OPCML: variants seen among roughly 807,000 people sequenced by gnomAD.
The protein encoded by OPCML is opioid-binding protein/cell adhesion molecule.
Under a neutral mutation model 37.8 loss-of-function variants are expected in OPCML, and 13 were observed. That is an observed-to-expected ratio of 0.34 (90% CI 0.22 to 0.55). The LOEUF is 0.55. Among genes scored for constraint, OPCML ranks in the 20% least tolerant of loss-of-function variants. The pLI is 0.91. For synonymous variants in OPCML, 176 were observed against 168.8 expected (o/e 1.04, Z -0.33); for missense variants, 341 against 435.6 (o/e 0.78, Z 1.93).
In OPCML at chr11:132,761,812, A is replaced by G. The variant is rs141358966; in HGVS notation, c.147-104493T>C. On this transcript the variant is annotated intron_variant, in intron 2 of 7. Coordinates refer to ENST00000524381, the MANE Select transcript of OPCML (RefSeq NM_001012393.5). ...CACCTTCTGAAGCCTACTTCTGTCA[A>G]TTGATCAAACTCATTCTCCATCCAG... Among the ~76,000 whole-genome samples the G allele has an allele frequency of 2.9e-3, 439 of 152,194 alleles. 2 individuals are homozygous for G. Among genetic ancestry groups the G allele is most frequent in the African/African-American group, 9.6e-3 (397 of 41,534 alleles).
chr11:133,034,742 T>G (rs548456099), intron 1 of OPCML, among the ~76,000 whole-genome samples: 1 of 142,380 alleles, frequency 7.0e-6, no homozygotes, highest in East Asian at 2.2e-4. Flanking sequence ...AAGTCTGTTG[T>G]TTTTTTTCCT....
At chr11:133,203,417 G>T (rs968110260) in intron 1 of OPCML, among the ~76,000 whole-genome samples, 13 of 152,272 alleles carry the variant, frequency 8.5e-5, no homozygotes, top group African/African-American at 3.1e-4. Flanking sequence ...AGTATGGTAT[G>T]AGGCCAGGAG....
chr11:132,425,213 A>G (rs1264139942), intron 7 of OPCML, among the ~76,000 whole-genome samples: 1 of 152,246 alleles, frequency 6.6e-6, no homozygotes, highest in Non-Finnish European at 1.5e-5. Flanking sequence ...AAACTTCAGG[A>G]GGAGCTAGCT....
At chr11:133,366,781 T>A (rs983810864) in intron 1 of OPCML, among the ~76,000 whole-genome samples, 9 of 152,212 alleles carry the variant, frequency 5.9e-5, no homozygotes, top group Non-Finnish European at 1.2e-4. Context: ...CATTCACATG[T>A]AAGAGCTACC....
chr11:133,048,653 G>T (rs954775864), intron 1 of OPCML, among the ~76,000 whole-genome samples: 2 of 152,074 alleles, frequency 1.3e-5, no homozygotes, highest in Non-Finnish European at 2.9e-5. Flanking sequence ...ATGGGTTCAT[G>T]GTTCTTACTG....
chr11:133,009,195 A>G (rs1448857164), intron 1 of OPCML: 1 of 985,260 alleles, frequency 1.0e-6, no homozygotes, highest in Admixed American at 6.1e-5. Flanking sequence ...TGTCTCTAAC[A>G]TATGTAGATA....
At chr11:133,452,704 T>G (rs1029005494) in intron 1 of OPCML, among the ~76,000 whole-genome samples, 1 of 151,660 alleles carries the variant, frequency 6.6e-6, no homozygotes, top group Admixed American at 6.6e-5. Context: ...ATCTCAATTC[T>G]ACTACAAACA....
At position 133,229,794 on chromosome 11, in the gene OPCML, C is replaced by T. The variant is rs141779988; in HGVS notation, c.62-286784G>A. ...ACAAGTTTTCAGCATCCCACAAGAC[C>T]GCACTTTGTTTTCACTTCTTCCAGG... On this transcript the variant is annotated intron_variant, in intron 1 of 7. Transcript: ENST00000524381. Among the ~76,000 whole-genome samples the T allele has an allele frequency of 8.1e-4, 124 of 152,318 alleles. 1 individual carries two copies. The East Asian group carries it at 0.017, about 20-fold the overall frequency.
chr11:132,726,060 T>C (rs550670870), intron 2 of OPCML, among the ~76,000 whole-genome samples: 1 of 152,304 alleles, frequency 6.6e-6, no homozygotes, highest in Non-Finnish European at 1.5e-5. Flanking sequence ...TTTTCCTGTC[T>C]TCTCCTGAGC....
intron 2 of OPCML, among the ~76,000 whole-genome samples, chr11:132,885,269 A>G (rs1460255493): frequency 6.6e-6 from 1 of 152,198 alleles, no homozygotes; most frequent in African/African-American, 2.4e-5. Context: ...ATGGGCTGCA[A>G]AACACAATAT....
chr11:132,526,786 G>A (rs1591508225), intron 4 of OPCML, among the ~76,000 whole-genome samples: 1 of 151,858 alleles, frequency 6.6e-6, no homozygotes, highest in Non-Finnish European at 1.5e-5. Context: ...TTTTTTTACA[G>A]TTTTATTAGT....
intron 2 of OPCML, among the ~76,000 whole-genome samples, chr11:132,859,038 G>GACTT (rs1942183386): frequency 6.6e-6 from 1 of 152,096 alleles, no homozygotes; most frequent in South Asian, 2.1e-4. Flanking sequence ...CTCTCAGTTG[G>GACTT]ACTTCTCTCT....
intron 2 of OPCML, among the ~76,000 whole-genome samples, chr11:132,691,035 A>T (rs1466372007): frequency 6.6e-6 from 1 of 152,242 alleles, no homozygotes; most frequent in Non-Finnish European, 1.5e-5. Context: ...TAGAAGGCAC[A>T]TAGAAGGTGG....
At chr11:133,406,135 G>A (rs933747092) in intron 1 of OPCML, among the ~76,000 whole-genome samples, 2 of 151,968 alleles carry the variant, frequency 1.3e-5, no homozygotes, top group East Asian at 3.9e-4. Context: ...TATGATTATT[G>A]TTATGATCTA....
intron 4 of OPCML, among the ~76,000 whole-genome samples, chr11:132,467,593 G>A (rs2096123751): frequency 6.6e-6 from 1 of 152,192 alleles, no homozygotes; most frequent in Admixed American, 6.5e-5. Context: ...GCAGTTTAAT[G>A]CTGTCATTTA....
chr11:132,546,561 A>C (rs1243349468), intron 3 of OPCML, among the ~76,000 whole-genome samples: 3 of 152,176 alleles, frequency 2.0e-5, no homozygotes, highest in African/African-American at 7.2e-5. Flanking sequence ...TCATCTTTCC[A>C]CATATGTCAA....
At chr11:133,129,271 G>A (rs1262729302) in intron 1 of OPCML, among the ~76,000 whole-genome samples, 1 of 152,104 alleles carries the variant, frequency 6.6e-6, no homozygotes, top group African/African-American at 2.4e-5. Flanking sequence ...ATCAGACCAT[G>A]CACGTAAGGG....
At chr11:132,603,322 T>G (rs562377751) in intron 3 of OPCML, among the ~76,000 whole-genome samples, 4 of 152,316 alleles carry the variant, frequency 2.6e-5, no homozygotes, top group Admixed American at 2.0e-4. Context: ...TGTGCTTGTA[T>G]CTTGTGCTAT....
At chr11:132,561,127 A>G (rs999773468) in intron 3 of OPCML, among the ~76,000 whole-genome samples, 5 of 152,142 alleles carry the variant, frequency 3.3e-5, no homozygotes, top group African/African-American at 1.2e-4. Flanking sequence ...AAAAGTCACT[A>G]CTTCTTGACA....
Sources: gnomAD v4.1 joint callset for allele counts (sites outside exome capture counted in the v4.1 genomes callset) on GRCh38, gnomAD v4.1.1 for gene constraint, MANE v1.5 for transcripts, NCBI Gene and HGNC (gene_info 2026-07-23, HGNC 2026-07-21) for gene names.